Variants in PCDH9 observed in about 807,000 individuals in gnomAD.
PCDH9 encodes protocadherin 9, also known as protocadherin-9.
Under a neutral mutation model 70.6 loss-of-function variants are expected in PCDH9, and 24 were observed. The ratio of observed to expected loss-of-function variants is 0.34; its 90% CI spans 0.25 to 0.48. The LOEUF (loss-of-function observed/expected upper bound fraction) is 0.48. Ranked by LOEUF, PCDH9 falls within the 20% of genes least tolerant of loss-of-function variation. The pLI, the probability that PCDH9 is intolerant of heterozygous loss-of-function variation, is 0.99. For missense variants in PCDH9, 1,281 were observed against 1,503.6 expected (o/e 0.85, Z 2.45); for synonymous variants, 562 against 558.5 (o/e 1.01, Z -0.09).
intron 3 of PCDH9, among the ~76,000 whole-genome samples, chr13:66,886,895 A>C (rs375980678): frequency 6.6e-6 from 1 of 152,070 alleles, no homozygotes; most frequent in South Asian, 2.1e-4. Flanking sequence ...AGATACATAT[A>C]CTTTTGTGAT....
chr13:67,150,907 T>C, intron 2 of PCDH9, among the ~76,000 whole-genome samples: 1 of 152,286 alleles, frequency 6.6e-6, no homozygotes, highest in East Asian at 1.9e-4. Context: ...ATTAGCTTTC[T>C]TGTTTAACCA....
intron 2 of PCDH9, among the ~76,000 whole-genome samples, chr13:67,117,899 C>T (rs1246666147): frequency 6.6e-6 from 1 of 152,010 alleles, no homozygotes; most frequent in Non-Finnish European, 1.5e-5. Flanking sequence ...CCCAAAAGGA[C>T]GTGTTAGAAT....
intron 3 of PCDH9, among the ~76,000 whole-genome samples, chr13:66,693,567 C>T (rs1015190798): frequency 6.6e-6 from 1 of 152,046 alleles, no homozygotes; most frequent in Non-Finnish European, 1.5e-5. Flanking sequence ...GCTGAGAGAG[C>T]TCTCTATGGA....
intron 3 of PCDH9, among the ~76,000 whole-genome samples, chr13:66,812,809 T>C (rs1319986676): frequency 2.0e-5 from 3 of 152,184 alleles, no homozygotes; most frequent in East Asian, 1.9e-4. Flanking sequence ...TCATTTTTCT[T>C]TGGATTAAAC....
intron 3 of PCDH9, among the ~76,000 whole-genome samples, chr13:66,835,783 G>C (rs918941950): frequency 1.3e-5 from 2 of 151,998 alleles, no homozygotes; most frequent in African/African-American, 4.8e-5. Context: ...CTGAAAGAGA[G>C]GACTGCTTTT....
chr13:66,630,088 T>C lies in PCDH9; in HGVS notation c.3340+1122A>G, dbSNP rs191652291. ...CAAGAAAAAAGTCATCATACTTCAA[T>C]TTCCCACTTCGTGCAACCAGTTTGG... On this transcript the variant is annotated intron_variant, in intron 4 of 4. Transcript: ENST00000377865. Among the ~76,000 whole-genome samples, 515 of 152,270 alleles carry C rather than the reference T, an allele frequency of 3.4e-3. 2 individuals carry two copies. Among genetic ancestry groups the C allele is most frequent in the African/African-American group, 0.011 (472 of 41,550 alleles).
At chr13:66,692,110 C>G (rs1297506591) in intron 3 of PCDH9, among the ~76,000 whole-genome samples, 1 of 152,084 alleles carries the variant, frequency 6.6e-6, no homozygotes, top group Non-Finnish European at 1.5e-5. Flanking sequence ...AACAAAGCTT[C>G]TTTGATATTA....
At chr13:66,800,927 C>T (rs978724096) in intron 3 of PCDH9, among the ~76,000 whole-genome samples, 14 of 151,620 alleles carry the variant, frequency 9.2e-5, no homozygotes, top group African/African-American at 3.4e-4. Flanking sequence ...CACATCCTAA[C>T]TATTCAATAA....
intron 4 of PCDH9, among the ~76,000 whole-genome samples, chr13:66,573,026 G>T (rs571022791): frequency 3.9e-5 from 6 of 151,976 alleles, no homozygotes; most frequent in African/African-American, 1.4e-4. Flanking sequence ...TTCCATAATG[G>T]CTGTACTAAT....
chr13:66,851,181 CT>C (rs2081308897), intron 3 of PCDH9, among the ~76,000 whole-genome samples: 1 of 152,066 alleles, frequency 6.6e-6, no homozygotes, highest in South Asian at 2.1e-4. Flanking sequence ...GACAATTTTC[CT>C]TTGAATTCTG....
chr13:66,342,295 T>A (rs1320067432), intron 4 of PCDH9, among the ~76,000 whole-genome samples: 1 of 152,200 alleles, frequency 6.6e-6, no homozygotes, highest in East Asian at 1.9e-4. Flanking sequence ...TTTTTAAACA[T>A]ACTCAAAATT....
chr13:67,092,882 C>A (rs2086245710), intron 2 of PCDH9, among the ~76,000 whole-genome samples: 1 of 151,960 alleles, frequency 6.6e-6, no homozygotes, highest in African/African-American at 2.4e-5. Context: ...CGAGGCCCAG[C>A]CAGCCATCAG....
chr13:66,670,155 T>C (rs1398459360), intron 3 of PCDH9, among the ~76,000 whole-genome samples: 1 of 152,210 alleles, frequency 6.6e-6, no homozygotes, highest in Non-Finnish European at 1.5e-5. Flanking sequence ...AAATATTATA[T>C]CACATTATGA....
intron 4 of PCDH9, among the ~76,000 whole-genome samples, chr13:66,374,188 G>A (rs1248042907): frequency 2.0e-5 from 3 of 151,860 alleles, no homozygotes; most frequent in African/African-American, 7.3e-5. Context: ...CACTTACCAG[G>A]TCTGTATATT....
At chr13:66,657,384 A>C (rs1047791624) in intron 3 of PCDH9, among the ~76,000 whole-genome samples, 1 of 152,178 alleles carries the variant, frequency 6.6e-6, no homozygotes, top group Non-Finnish European at 1.5e-5. Flanking sequence ...TCACTTAATC[A>C]TACGGGAGTC....
At chr13:67,195,538 C>G (rs1386257555) in intron 2 of PCDH9, among the ~76,000 whole-genome samples, 2 of 152,108 alleles carry the variant, frequency 1.3e-5, no homozygotes, top group African/African-American at 4.8e-5. Context: ...ATTCGTTACT[C>G]TTAAGACAAG....
rs1238141733 is a variant in PCDH9, at chr13:66,731,661, A to G, written c.3139-100250T>C. On this transcript the variant is annotated intron_variant, in intron 3 of 4. Coordinates refer to ENST00000377865, the MANE Select transcript of PCDH9 (RefSeq NM_203487.3). ...CACTTTGAACTGAATTTAGATAAAC[A>G]TATCTCATAAGTGAATCAACTTTCA... 2.0e-5 allele frequency among the ~76,000 whole-genome samples: 3 copies of G among 152,170 alleles called. 1 individual carries two copies. The highest frequency in any genetic ancestry group is 4.4e-5 in the Non-Finnish European group (3 of 67,990).
At chr13:66,424,890 G>A (rs1318278819) in intron 4 of PCDH9, among the ~76,000 whole-genome samples, 1 of 151,772 alleles carries the variant, frequency 6.6e-6, no homozygotes, top group Non-Finnish European at 1.5e-5. Flanking sequence ...TTCATTTCTT[G>A]TATTATACTG....
intron 2 of PCDH9, among the ~76,000 whole-genome samples, chr13:66,971,227 T>C (rs1768474011): frequency 6.6e-6 from 1 of 152,098 alleles, no homozygotes; most frequent in Admixed American, 6.6e-5. Flanking sequence ...ATTACAATAA[T>C]GTATATCACA....
Sources: gnomAD v4.1 joint callset for allele counts (sites outside exome capture counted in the v4.1 genomes callset) on GRCh38, gnomAD v4.1.1 for gene constraint, MANE v1.5 for transcripts, NCBI Gene and HGNC (gene_info 2026-07-23, HGNC 2026-07-21) for gene names.